RNF215: variants seen among roughly 807,000 people sequenced by gnomAD.
The protein encoded by RNF215 is ring finger protein 215.
RNF215 carries 41 observed loss-of-function variants against 44.8 expected under a neutral mutation model. That is an observed-to-expected ratio of 0.92 (90% CI 0.71 to 1.19). The LOEUF (loss-of-function observed/expected upper bound fraction) is 1.19. RNF215 is among the 50% of genes most tolerant of loss of function. RNF215 has a pLI of 0.00. For missense variants in RNF215, 452 were observed against 496.2 expected, an observed-to-expected ratio of 0.91 and a Z score of 0.85; for synonymous variants, 218 against 230.1, an observed-to-expected ratio of 0.95 and a Z score of 0.48.
At chr22:30,379,993 A>G in intron 7 of RNF215, 69 bp downstream of exon 7, 1 of 1,597,674 alleles carries the variant, frequency 6.3e-7, no homozygotes, top group Non-Finnish European at 8.6e-7. Context: ...TGGTGGTTCC[A>G]AGGTCCCAGG....
rs201711995 is a variant in RNF215 at position 30,379,283 on chromosome 22, G to A, written c.*317C>T. The A allele has an allele frequency of 1.5e-4, 61 of 415,004 alleles. 1 individual carries two copies. In the East Asian group the frequency reaches 2.4e-3, roughly 17 times the overall value. 25.7% of individuals were successfully genotyped at this position (415,004 alleles called of 1,614,324 possible). The stretch of plus-strand genomic sequence containing the variant: ...CAGAACCCTGGCGACAGCTACACTG[G>A]CCCCATATTCTCTTTCCTTATTGAC... On this transcript the variant is annotated 3_prime_UTR_variant, in exon 9 of 9. Transcript: ENST00000382363.
At chr22:30,386,482 ACTGGGGTGCC>A in intron 2 of RNF215, 124 bp downstream of exon 2, 1 of 1,114,756 alleles carries the variant, frequency 9.0e-7, no homozygotes, top group South Asian at 1.5e-5. Flanking sequence ...CATTCTTCAA[ACTGGGGTGCC>A]CTGACCCACC....
In RNF215 at chr22:30,380,584, A is replaced by G. The variant is rs1046872291; in HGVS notation, c.745-183T>C. Among the ~76,000 whole-genome samples, 20 of 151,600 alleles carry G rather than the reference A, an allele frequency of 1.3e-4. No homozygotes were observed. The highest frequency in any genetic ancestry group is 4.1e-4 in the African/African-American group (17 of 41,312). Reference sequence around the variant, plus strand: ...CTTCCATTGTGTGCTTCTCAGGATCACTCACTCTGCCCTACACGTCTTCCC... The same window carrying G: ...CTTCCATTGTGTGCTTCTCAGGATCGCTCACTCTGCCCTACACGTCTTCCC... On this transcript the variant is annotated intron_variant, in intron 5 of 8. Transcript: ENST00000382363. The surrounding 1 kb of genome is among the most constrained non-coding windows in gnomAD (Gnocchi z 5.3).
At chr22:30,381,565 G>A (rs975652240) in intron 5 of RNF215, among the ~76,000 whole-genome samples, 2 of 152,226 alleles carry the variant, frequency 1.3e-5, no homozygotes, top group Non-Finnish European at 2.9e-5. Flanking sequence ...CTGTGGATGT[G>A]TTAGGACTAA....
chr22:30,380,040 G>A lies in RNF215; in HGVS notation c.1008+22C>T. 1 of 1,612,952 alleles carries A rather than the reference G, an allele frequency of 6.2e-7. No individual in the cohort carries two copies. The highest frequency in any genetic ancestry group is 8.5e-7 in the Non-Finnish European group (1 of 1,179,196). ...AGGCATCACAGGTGAGCTGATGGCT[G>A]GTCTCTACCCGGGGCACTAGCCTGT... On this transcript the variant is annotated intron_variant, in intron 7 of 8. Transcript: ENST00000382363. This position sits in a 1 kb window ranked among gnomAD's most constrained non-coding sequence, Gnocchi z 5.3.
chr22:30,386,811 G>C, intron 1 of RNF215, 52 bp from the exon 2 acceptor site: 1 of 1,569,544 alleles, frequency 6.4e-7, no homozygotes, highest in Non-Finnish European at 8.6e-7. Flanking sequence ...GTGGGGGAGG[G>C]AGCCGGGGTC....
rs1233764413 is a variant in RNF215, at chr22:30,384,372, C to T, written c.711G>A (p.Leu237=). Residue 237 remains leucine (L), a synonymous_variant, in exon 5 of 9, where the codon TTG becomes TTA. Transcript: ENST00000382363. ...GGGCACGACTGCCTCCAAGGCAGAC[C>T]AAGTCCTGCCATCCTCCATAGCCAT... ...SKDGYGGWQD[L]VCLGGSRAQE... is the part of the protein sequence containing the mutation. The T allele has an allele frequency of 6.2e-7, 1 of 1,613,998 alleles. No homozygotes were observed. The highest frequency in any genetic ancestry group is 1.7e-5 in the Admixed American group (1 of 60,020).
intron 5 of RNF215, among the ~76,000 whole-genome samples, chr22:30,381,576 C>G (rs1015514746): frequency 7.2e-5 from 11 of 152,228 alleles, no homozygotes; most frequent in Admixed American, 2.6e-4. Flanking sequence ...TTAGGACTAA[C>G]ACGTGCATTC....
chr22:30,380,082 C>G lies in RNF215; in HGVS notation c.988G>C (p.Asp330His). The G allele has an allele frequency of 6.2e-7, 1 of 1,613,902 alleles. No individual in the cohort carries two copies. Among genetic ancestry groups the G allele is most frequent in the Non-Finnish European group, 8.5e-7 (1 of 1,179,948 alleles). ...PGAETCAVCL[D>H]YFCNKQWLRV... ...CTAGCCTGTTTGTTGCAGAAGTAGT[C>G]CAGGCACACCGCACAGGTCTCAGCA... is the stretch of plus-strand genomic sequence containing the variant. Residue 330 changes from aspartate (D) to histidine (H), a missense_variant, in exon 7 of 9, where the codon GAC (aspartate) becomes CAC (histidine). Physicochemically the swap from Asp to His is moderately conservative, Grantham distance 81. Transcript: ENST00000382363. This position sits in a 1 kb window ranked among gnomAD's most constrained non-coding sequence, Gnocchi z 5.3.
In RNF215 at chr22:30,380,543, T is replaced by G; in HGVS notation, c.745-142A>C. 1 of 1,015,654 alleles carries G rather than the reference T, an allele frequency of 9.8e-7. No individual in the cohort carries two copies. The highest frequency in any genetic ancestry group is 2.6e-5 in the East Asian group (1 of 37,904). 62.9% of individuals were successfully genotyped at this position (1,015,654 alleles called of 1,614,324 possible). A position where few individuals can be genotyped will look rare whatever the true frequency, so the allele number is the denominator to read the frequency against. On this transcript the variant is annotated intron_variant, in intron 5 of 8. Transcript: ENST00000382363. The surrounding 1 kb of genome is among the most constrained non-coding windows in gnomAD (Gnocchi z 5.3). ...GTCCCTGCAGTCCCCAGCTTCCTCTTCTGAAGGCTCCGTCTCTTCCATTGT... is the reference window on the plus strand; with the variant it reads ...GTCCCTGCAGTCCCCAGCTTCCTCTGCTGAAGGCTCCGTCTCTTCCATTGT...
In RNF215 at chr22:30,386,549, G is replaced by T. The variant is rs8142835; in HGVS notation, c.429+67C>A. On this transcript the variant is annotated intron_variant, in intron 2 of 8. Coordinates refer to ENST00000382363, the MANE Select transcript of RNF215 (RefSeq NM_001017981.2). ...GCTCTTAAGGGCCCATCTAAGGAGG[G>T]CCTGGCTCTAGCAGATGCCTTGGAA... is the stretch of plus-strand genomic sequence containing the variant. 5.0e-3 allele frequency: 7,743 copies of T among 1,550,752 alleles called. 357 individuals are homozygous for T. The African/African-American group carries it at 0.095, about 19-fold the overall frequency.
intron 4 of RNF215, among the ~76,000 whole-genome samples, chr22:30,385,593 G>C (rs559146405): frequency 2.0e-5 from 3 of 152,092 alleles, no homozygotes; most frequent in African/African-American, 7.2e-5. Context: ...AGACCAGCCT[G>C]GCCAACATGG....
Position 30,384,467 on chromosome 22 carries a change from T to C in RNF215, c.616A>G (p.Ser206Gly). Residue 206 changes from serine to glycine, a missense_variant, in exon 5 of 9, where the codon AGC (serine) becomes GGC (glycine). Transcript: ENST00000382363. ...QRTQATAEIT[S>G]GESLSANIEW... ...ATATTGGCAGACAGGGACTCTCCGC[T>C]GGTGATCTCAGCCGTGGCCTGGGTC... 1 of 1,613,996 alleles carries C rather than the reference T, an allele frequency of 6.2e-7. No homozygotes were observed. The highest frequency in any genetic ancestry group is 8.5e-7 in the Non-Finnish European group (1 of 1,179,966).
chr22:30,386,422 A>G (rs919759156), intron 2 of RNF215, among the ~76,000 whole-genome samples, 194 bp downstream of exon 2: 3 of 151,808 alleles, frequency 2.0e-5, no homozygotes, highest in Admixed American at 6.6e-5. Context: ...AAGCTTCTCA[A>G]CCTCTCTCTG....
At chr22:30,385,083 G>A (rs1487346879) in intron 4 of RNF215, among the ~76,000 whole-genome samples, 1 of 151,988 alleles carries the variant, frequency 6.6e-6, no homozygotes, top group African/African-American at 2.4e-5. Flanking sequence ...AAAGTGCTGG[G>A]ATTACAGGCA....
At chr22:30,384,278 C>T (rs1160567466) in intron 5 of RNF215, 61 bp downstream of exon 5, 1 of 1,531,116 alleles carries the variant, frequency 6.5e-7, no homozygotes, top group Non-Finnish European at 8.9e-7. Flanking sequence ...CAATACAAAG[C>T]CATGTATATG....
chr22:30,387,166 C>T lies in RNF215; in HGVS notation c.148G>A (p.Ala50Thr). The T allele has an allele frequency of 1.7e-6, 2 of 1,182,980 alleles. No homozygotes were observed. Among genetic ancestry groups the T allele is most frequent in the Non-Finnish European group, 2.1e-6 (2 of 956,934 alleles). 73.3% of individuals were successfully genotyped at this position (1,182,980 alleles called of 1,614,324 possible). Residue 50 changes from alanine to threonine, a missense_variant, in exon 1 of 9, where the codon GCC (alanine) becomes ACC (threonine). Transcript: ENST00000382363. Reference protein sequence around the residue: ...GAAADGSEPAAGAGRGGARAV... With the variant: ...GAAADGSEPATGAGRGGARAV... ...CGGGCTCCGCCCCGCCCCGCCCCGG[C>T]CGCCGGCTCGCTGCCGTCCGCCGCG...
chr22:30,383,327 G>A (rs1035779013), intron 5 of RNF215, among the ~76,000 whole-genome samples: 9 of 152,172 alleles, frequency 5.9e-5, no homozygotes, highest in African/African-American at 2.2e-4. Context: ...CCCACCTGCA[G>A]ACTGCGCTCA....
chr22:30,387,255 G>A lies in RNF215; in HGVS notation c.59C>T (p.Pro20Leu). ...GGGCAGCAGCAGCAGCAGCGGAGAC[G>A]GAGGCGGCGGCGGAGGCGGCGGCGG... ...RSPPPPPPPP[P>L]SPLLLLLPLL... Residue 20 changes from proline (P) to leucine (L), a missense_variant, in exon 1 of 9, where the codon CCG becomes CTG. Physicochemically the swap from Pro to Leu is moderately conservative, Grantham distance 98 (BLOSUM62 -3). Transcript: ENST00000382363. 1 of 1,028,120 alleles carries A rather than the reference G, an allele frequency of 9.7e-7. No individual in the cohort carries two copies. Among genetic ancestry groups the A allele is most frequent in the Non-Finnish European group, 1.2e-6 (1 of 852,568 alleles). 63.7% of individuals were successfully genotyped at this position (1,028,120 alleles called of 1,614,324 possible).
Sources: allele counts gnomAD v4.1 joint callset (sites outside exome capture counted in the v4.1 genomes callset), GRCh38; gene constraint gnomAD v4.1.1; non-coding constraint Gnocchi (gnomAD v3.1); transcripts MANE v1.5; gene names NCBI Gene and HGNC (gene_info 2026-07-23, HGNC 2026-07-21).